TNFSF13B: variants seen among roughly 807,000 people sequenced by gnomAD.
The protein encoded by TNFSF13B is TNF superfamily member 13b, also known as tumor necrosis factor ligand superfamily member 13B.
TNFSF13B carries 8 observed loss-of-function variants against 29.1 expected under a neutral mutation model. That is an observed-to-expected ratio of 0.27 (90% CI 0.16 to 0.50). TNFSF13B has a LOEUF of 0.50. Among genes scored for constraint, TNFSF13B ranks in the 20% least tolerant of loss-of-function variants. TNFSF13B has a pLI of 0.98. For missense variants in TNFSF13B, 248 were observed against 334.9 expected (o/e 0.74, Z 2.03); for synonymous variants, 125 against 130.8 (o/e 0.96, Z 0.30).
At chr13:108,287,108 C>T (rs184262834) in intron 3 of TNFSF13B, among the ~76,000 whole-genome samples, 14 of 105,788 alleles carry the variant, frequency 1.3e-4, no homozygotes, top group South Asian at 6.0e-4. Context: ...CATCACACAC[C>T]GGGGCCTGTT....
chr13:108,279,811 C>G (rs183533606), intron 2 of TNFSF13B, among the ~76,000 whole-genome samples: 46 of 152,212 alleles, frequency 3.0e-4, no homozygotes, highest in Admixed American at 2.5e-3. Flanking sequence ...TCCTTCCTCT[C>G]TCTCTGTGTC....
At chr13:108,277,517 C>A (rs567706743) in intron 2 of TNFSF13B, among the ~76,000 whole-genome samples, 3 of 152,078 alleles carry the variant, frequency 2.0e-5, no homozygotes, top group African/African-American at 7.2e-5. Context: ...GATCCAGACC[C>A]CCGGAGAGGG....
At chr13:108,300,777 C>A (rs1040283032) in intron 3 of TNFSF13B, among the ~76,000 whole-genome samples, 1 of 152,098 alleles carries the variant, frequency 6.6e-6, no homozygotes, top group Admixed American at 6.6e-5. Flanking sequence ...GCACATTCAC[C>A]CTTGGTGAGA....
At chr13:108,295,906 AACAT>A (rs1881447880) in intron 3 of TNFSF13B, among the ~76,000 whole-genome samples, 1 of 146,330 alleles carries the variant, frequency 6.8e-6, no homozygotes, top group South Asian at 2.1e-4. Context: ...CAGATTGAAA[AACAT>A]AAACAGGTTT....
intron 2 of TNFSF13B, among the ~76,000 whole-genome samples, chr13:108,270,807 CTT>C (rs1204513462): frequency 6.6e-6 from 1 of 152,168 alleles, no homozygotes. Context: ...TAGAATTAGA[CTT>C]TGCTTACTAC....
intron 3 of TNFSF13B, among the ~76,000 whole-genome samples, chr13:108,290,244 G>A (rs1322591698): frequency 1.3e-5 from 2 of 152,080 alleles, no homozygotes; most frequent in African/African-American, 4.8e-5. Context: ...AAAAAAAGCA[G>A]CATAGTATTC....
At chr13:108,304,713 A>AGGCTGGCT (rs1881722152) in intron 5 of TNFSF13B, among the ~76,000 whole-genome samples, 1 of 152,204 alleles carries the variant, frequency 6.6e-6, no homozygotes, top group African/African-American at 2.4e-5. Context: ...GCATTTTGAA[A>AGGCTGGCT]AACTGTATTT....
chr13:108,304,586 T>G (rs1190600341), intron 5 of TNFSF13B, among the ~76,000 whole-genome samples: 2 of 152,214 alleles, frequency 1.3e-5, no homozygotes, highest in Non-Finnish European at 2.9e-5. Flanking sequence ...ATATTTACCT[T>G]AAACACATTT....
Position 108,303,461 on chromosome 13 carries a change from A to T in TNFSF13B, c.602A>T (p.Tyr201Phe). ...GYFFIYGQVL[Y>F]TDKTYAMGHL... The stretch of plus-strand genomic sequence containing the variant: ...TTTTGGTTTGTTTCTTAGGTTTTAT[A>T]TACTGATAAGACCTACGCCATGGGA... The change falls in exon 5 of 6, where the codon TAT becomes TTT. Residue 201 changes from tyrosine to phenylalanine, a missense_variant. Tyr to Phe is a conservative substitution (Grantham distance 22, BLOSUM62 3). Transcript: ENST00000375887. 6.2e-7 allele frequency: 1 copy of T among 1,611,580 alleles called. No homozygotes were observed. Among genetic ancestry groups the T allele is most frequent in the Non-Finnish European group, 8.5e-7 (1 of 1,179,296 alleles).
At position 108,270,403 on chromosome 13, in the gene TNFSF13B, G is replaced by C. The variant is rs757341426; in HGVS notation, c.403G>C (p.Val135Leu). 9 of 1,613,918 alleles carry C rather than the reference G, an allele frequency of 5.6e-6. No homozygotes were observed. The East Asian group carries it at 2.0e-4, about 36-fold the overall frequency. ...SSQNSRNKRAVQGPEETVTQD... is the reference protein window; with the variant it reads ...SSQNSRNKRALQGPEETVTQD... ...TCAGAACAGCAGAAATAAGCGTGCC[G>C]TTCAGGGTCCAGAAGAAACAGGTAT... Residue 135 changes from valine to leucine, a missense_variant, in exon 2 of 6, where the codon GTT becomes CTT. Transcript: ENST00000375887.
chr13:108,294,505 G>T (rs940033167), intron 3 of TNFSF13B, among the ~76,000 whole-genome samples: 2 of 152,004 alleles, frequency 1.3e-5, no homozygotes, highest in African/African-American at 4.8e-5. Context: ...ATAGAATTAT[G>T]ATATCTGCAA....
intron 2 of TNFSF13B, among the ~76,000 whole-genome samples, chr13:108,281,145 C>G (rs1880942052): frequency 6.6e-6 from 1 of 152,002 alleles, no homozygotes; most frequent in African/African-American, 2.4e-5. Flanking sequence ...ACTCAGAAGG[C>G]TGGGAGAATC....
At chr13:108,281,326 C>A (rs1411764330) in intron 2 of TNFSF13B, among the ~76,000 whole-genome samples, 1 of 152,138 alleles carries the variant, frequency 6.6e-6, no homozygotes, top group Non-Finnish European at 1.5e-5. Context: ...TCTATTCTAT[C>A]AACTCCTTTC....
intron 3 of TNFSF13B, 58 bp downstream of exon 3, chr13:108,286,917 G>T: frequency 7.8e-7 from 1 of 1,288,408 alleles, no homozygotes; most frequent in South Asian, 1.3e-5. Flanking sequence ...TGATAGACTG[G>T]ATTAAGAAAA....
At chr13:108,271,034 C>T (rs549143980) in intron 2 of TNFSF13B, among the ~76,000 whole-genome samples, 34 of 151,686 alleles carry the variant, frequency 2.2e-4, no homozygotes, top group African/African-American at 8.2e-4. Flanking sequence ...GGGATCCATG[C>T]ATTTATCGTC....
At chr13:108,272,681 A>T (rs1429282640) in intron 2 of TNFSF13B, among the ~76,000 whole-genome samples, 2 of 150,406 alleles carry the variant, frequency 1.3e-5, no homozygotes, top group African/African-American at 2.5e-5. Flanking sequence ...TCTATTTGAG[A>T]CTCTTTTTTT....
At chr13:108,302,269 G>C (rs1881647185) in intron 3 of TNFSF13B, among the ~76,000 whole-genome samples, 1 of 152,134 alleles carries the variant, frequency 6.6e-6, no homozygotes, top group Non-Finnish European at 1.5e-5. Flanking sequence ...GACATTTAAA[G>C]TATGATTTTA....
chr13:108,301,972 T>A (rs1323310428), intron 3 of TNFSF13B, among the ~76,000 whole-genome samples: 6 of 152,202 alleles, frequency 3.9e-5, no homozygotes, highest in Admixed American at 3.9e-4. Flanking sequence ...TTTAAATATG[T>A]TTGGTTTGCC....
intron 2 of TNFSF13B, among the ~76,000 whole-genome samples, chr13:108,273,120 G>T (rs907132690): frequency 5.3e-5 from 8 of 152,128 alleles, no homozygotes; most frequent in African/African-American, 1.7e-4. Flanking sequence ...TTATTTCATG[G>T]TTTGCCCTAG....
Sources: allele counts gnomAD v4.1 joint callset (sites outside exome capture counted in the v4.1 genomes callset), GRCh38; gene constraint gnomAD v4.1.1; transcripts MANE v1.5; gene names NCBI Gene and HGNC (gene_info 2026-07-23, HGNC 2026-07-21).